CDH18: variants seen among roughly 807,000 people sequenced by gnomAD.
CDH18 encodes the protein cadherin-18.
A neutral mutation model predicts 67.9 loss-of-function variants in CDH18; 31 were observed. That is an observed-to-expected ratio of 0.46 (90% CI 0.34 to 0.62). CDH18 has a LOEUF of 0.62. Among genes scored for constraint, CDH18 ranks in the 20% least tolerant of loss-of-function variants. The pLI is 0.01. For synonymous variants in CDH18, 362 were observed against 347.2 expected (o/e 1.04, Z -0.48); for missense variants, 890 against 975.5 (o/e 0.91, Z 1.17).
At chr5:20,517,981 T>G (rs1442726804) in intron 1 of CDH18, among the ~76,000 whole-genome samples, 5 of 152,190 alleles carry the variant, frequency 3.3e-5, no homozygotes, top group East Asian at 3.9e-4. Flanking sequence ...CAAAAGATAT[T>G]CACATTCTAT....
At chr5:20,404,325 T>C (rs1299033597) in intron 1 of CDH18, among the ~76,000 whole-genome samples, 1 of 152,194 alleles carries the variant, frequency 6.6e-6, no homozygotes, top group Non-Finnish European at 1.5e-5. Context: ...TTGCTTTGCA[T>C]CCACAACCTG....
rs1746771167 is a variant in CDH18, at chr5:19,520,756, A to G, written c.1413T>C (p.His471=). ...CCAGAACTCTAATACCCACTGTGAC[A>G]TGGCTCAGCAAATCAGGATTATCTG... ...SEIDNPDLLS[H]VTVGIRVLDV... is the part of the protein sequence containing the mutation. The change falls in exon 10 of 13, where the codon CAT becomes CAC. Residue 471 remains histidine, a synonymous_variant. Coordinates refer to ENST00000382275, the MANE Select transcript of CDH18 (RefSeq NM_004934.5). The G allele has an allele frequency of 2.5e-6, 4 of 1,613,106 alleles. No homozygotes were observed. Among genetic ancestry groups the G allele is most frequent in the Non-Finnish European group, 3.4e-6 (4 of 1,179,510 alleles).
intron 2 of CDH18, among the ~76,000 whole-genome samples, chr5:19,951,930 C>A (rs1795830319): frequency 6.6e-6 from 1 of 152,168 alleles, no homozygotes; most frequent in African/African-American, 2.4e-5. Context: ...TCTCAACTCA[C>A]TTATCCCTTA....
chr5:19,767,184 A>T (rs554497856), intron 3 of CDH18, among the ~76,000 whole-genome samples: 121 of 152,190 alleles, frequency 8.0e-4, no homozygotes, highest in Non-Finnish European at 1.6e-3. Flanking sequence ...AGATCAATAT[A>T]AAAAATGTGT....
chr5:19,519,485 C>CTA (rs1281614047), intron 10 of CDH18, among the ~76,000 whole-genome samples: 1 of 152,120 alleles, frequency 6.6e-6, no homozygotes, highest in African/African-American at 2.4e-5. Context: ...ATATTTTGAC[C>CTA]TATACCCTTT....
chr5:20,194,231 C>T (rs1320528153), intron 2 of CDH18, among the ~76,000 whole-genome samples: 1 of 152,014 alleles, frequency 6.6e-6, no homozygotes, highest in Non-Finnish European at 1.5e-5. Context: ...TCATCTCAGC[C>T]CCAAAACTCC....
intron 1 of CDH18, among the ~76,000 whole-genome samples, chr5:20,273,379 C>G (rs1280367418): frequency 6.6e-6 from 1 of 151,850 alleles, no homozygotes; most frequent in Non-Finnish European, 1.5e-5. Flanking sequence ...AGTAAAAATA[C>G]ATATACTTAT....
At chr5:19,793,353 T>C (rs1229022536) in intron 3 of CDH18, among the ~76,000 whole-genome samples, 1 of 152,150 alleles carries the variant, frequency 6.6e-6, no homozygotes, top group Non-Finnish European at 1.5e-5. Flanking sequence ...AGCAGTTGTA[T>C]GGAACAATCT....
intron 1 of CDH18, among the ~76,000 whole-genome samples, chr5:20,401,837 T>A (rs1355786953): frequency 1.3e-5 from 2 of 152,202 alleles, no homozygotes; most frequent in Non-Finnish European, 2.9e-5. Context: ...CAACATTAAT[T>A]TGTTCATATT....
chr5:19,491,073 T>C (rs1172412939), intron 11 of CDH18, among the ~76,000 whole-genome samples: 1 of 152,202 alleles, frequency 6.6e-6, no homozygotes, highest in Non-Finnish European at 1.5e-5. Flanking sequence ...CTAGTCAAGC[T>C]TGAGTGTCTG....
At chr5:20,357,131 TG>T (rs1741701820) in intron 1 of CDH18, among the ~76,000 whole-genome samples, 1 of 151,936 alleles carries the variant, frequency 6.6e-6, no homozygotes, top group South Asian at 2.1e-4. Context: ...AAAAATCAGA[TG>T]GCTTTTAATA....
chr5:20,170,461 A>T lies in CDH18; in HGVS notation c.-518+84983T>A, dbSNP rs185840608. On this transcript the variant is annotated intron_variant, in intron 2 of 14. Coordinates refer to the CDH18 transcript ENST00000507958. Reference sequence around the variant, plus strand: ...TCTTTACAATCAACTATATCTTGGTAAAATTAAACTATCAGAGAAATATTC... The same window carrying T: ...TCTTTACAATCAACTATATCTTGGTTAAATTAAACTATCAGAGAAATATTC... Among the ~76,000 whole-genome samples the T allele has an allele frequency of 7.8e-4, 118 of 152,248 alleles. No individual in the cohort carries two copies. The East Asian group carries it at 0.022, about 28-fold the overall frequency.
At position 20,416,372 on chromosome 5, in the gene CDH18, T is replaced by C. The variant is rs562220967; in HGVS notation, c.-580+159090A>G. Among the ~76,000 whole-genome samples, 51 of 152,108 alleles carry C rather than the reference T, an allele frequency of 3.4e-4. 1 individual carries two copies. The highest frequency in any genetic ancestry group is 6.2e-4 in the Non-Finnish European group (42 of 67,982). On this transcript the variant is annotated intron_variant, in intron 1 of 14. Transcript: ENST00000507958. ...TGTCAGATTATGAAGAATTAAGTAA[T>C]TATATTTTATTTTAGAGAAGCCTAT...
intron 6 of CDH18, among the ~76,000 whole-genome samples, chr5:19,596,367 A>G (rs1746161988): frequency 6.6e-6 from 1 of 152,198 alleles, no homozygotes; most frequent in Non-Finnish European, 1.5e-5. Context: ...ACATATTACA[A>G]AATAAATTGG....
chr5:19,593,709 T>TCCTCCTCCTCCTTCTTTC (rs70950076), intron 6 of CDH18, among the ~76,000 whole-genome samples: 1 of 111,178 alleles, frequency 9.0e-6, no homozygotes, highest in South Asian at 2.8e-4. Context: ...CTCCTCCTCC[T>TCCTCCTCCTCCTTCTTTC]TCTTCTTCTT....
chr5:20,095,392 GAAGAAAGAAAGAAAGAAAGA>G (rs746033336), intron 2 of CDH18, among the ~76,000 whole-genome samples: 13 of 64,196 alleles, frequency 2.0e-4, no homozygotes, highest in South Asian at 6.1e-4. Flanking sequence ...AAGAGAAACA[GAAGAAAGAAAGAAAGAAAGA>G]AAGAAAGAAA....
chr5:19,656,420 T>C (rs1756407913), intron 5 of CDH18, among the ~76,000 whole-genome samples: 1 of 152,066 alleles, frequency 6.6e-6, no homozygotes, highest in Non-Finnish European at 1.5e-5. Context: ...AAAACTACCA[T>C]AGGTGGATTA....
chr5:20,540,850 C>A (rs998482156), intron 1 of CDH18, among the ~76,000 whole-genome samples: 1 of 152,186 alleles, frequency 6.6e-6, no homozygotes, highest in Admixed American at 6.5e-5. Context: ...GGGCTGAAGA[C>A]CTTTGTCAAA....
chr5:19,502,232 C>T (rs1189067686), intron 11 of CDH18, among the ~76,000 whole-genome samples: 1 of 152,070 alleles, frequency 6.6e-6, no homozygotes, highest in Non-Finnish European at 1.5e-5. Flanking sequence ...GTGTTAAATT[C>T]CAAATAGCAG....
Sources: allele counts gnomAD v4.1 joint callset (sites outside exome capture counted in the v4.1 genomes callset), GRCh38; gene constraint gnomAD v4.1.1; transcripts MANE v1.5; gene names NCBI Gene and HGNC (gene_info 2026-07-23, HGNC 2026-07-21).